Variants in TMTC1 observed in about 807,000 individuals in gnomAD.
The protein encoded by TMTC1 is protein O-mannosyl-transferase TMTC1.
A neutral mutation model predicts 104.8 loss-of-function variants in TMTC1; 73 were observed. The observed-to-expected ratio is 0.70, with a 90% confidence interval of 0.58 to 0.85. The LOEUF is 0.85. TMTC1 is among the 40% of genes least tolerant of loss of function. The pLI is 0.00. For synonymous variants in TMTC1, 434 were observed against 428.7 expected (o/e 1.01, Z -0.15); for missense variants, 1,035 against 1,096.1 (o/e 0.94, Z 0.79).
At chr12:29,778,229 T>G (rs10743675) in intron 1 of TMTC1, among the ~76,000 whole-genome samples, 138,557 of 152,154 alleles carry the variant, frequency 0.91, 63,729 homozygotes, top group East Asian at 0.99. Context: ...AGAATCAGGA[T>G]TTTAAAGTCC....
intron 17 of TMTC1, among the ~76,000 whole-genome samples, chr12:29,510,187 C>A (rs938385704): frequency 6.6e-6 from 1 of 152,204 alleles, no homozygotes; most frequent in Non-Finnish European, 1.5e-5. Context: ...CCTATGGATT[C>A]GAGACCACAA....
At chr12:29,735,141 C>A (rs956200090) in intron 5 of TMTC1, among the ~76,000 whole-genome samples, 1 of 152,210 alleles carries the variant, frequency 6.6e-6, no homozygotes, top group Non-Finnish European at 1.5e-5. Context: ...AGCATATAGA[C>A]CTGCATGAAG....
At chr12:29,728,833 CAAA>C (rs113484573) in intron 5 of TMTC1, among the ~76,000 whole-genome samples, 1 of 129,494 alleles carries the variant, frequency 7.7e-6, no homozygotes. Context: ...CGCCGTCCTA[CAAA>C]AAAAAAAAAA....
intron 5 of TMTC1, among the ~76,000 whole-genome samples, chr12:29,647,192 G>C (rs1019821454): frequency 1.3e-5 from 2 of 151,974 alleles, no homozygotes; most frequent in African/African-American, 4.8e-5. Context: ...GCTAATTTTT[G>C]TATTTTTAGT....
At chr12:29,513,785 G>GT (rs1368752025) in intron 16 of TMTC1, among the ~76,000 whole-genome samples, 1 of 152,112 alleles carries the variant, frequency 6.6e-6, no homozygotes, top group African/African-American at 2.4e-5. Flanking sequence ...GCAAAACATT[G>GT]TTTTAGAACA....
At position 29,718,821 on chromosome 12, in the gene TMTC1, T is replaced by C. The variant is rs554940698; in HGVS notation, c.938+32845A>G. ...GGTGACGGGTGCCTGTAGTCCCAGA[T>C]ACTTGGGAGGCTGAGGCAGGAGAAT... On this transcript the variant is annotated intron_variant, in intron 5 of 17. Transcript: ENST00000539277. Among the ~76,000 whole-genome samples, 215 of 150,956 alleles carry C rather than the reference T, an allele frequency of 1.4e-3. 2 individuals carry two copies. Among genetic ancestry groups the C allele is most frequent in the African/African-American group, 4.7e-3 (194 of 41,080 alleles).
chr12:29,632,497 C>G (rs915188262), intron 6 of TMTC1, among the ~76,000 whole-genome samples: 1 of 152,160 alleles, frequency 6.6e-6, no homozygotes, highest in Non-Finnish European at 1.5e-5. Context: ...TTCCCCTTCA[C>G]TGGGCACTCA....
chr12:29,538,021 C>T (rs528254100), intron 10 of TMTC1, among the ~76,000 whole-genome samples: 194 of 152,294 alleles, frequency 1.3e-3, no homozygotes, highest in Middle Eastern at 6.8e-3. Context: ...TCTGCACTAT[C>T]CTCTTCTTAT....
chr12:29,623,836 T>TAA (rs1307897905), intron 6 of TMTC1, among the ~76,000 whole-genome samples: 10 of 145,732 alleles, frequency 6.9e-5, no homozygotes, highest in African/African-American at 2.7e-4. Flanking sequence ...TAAATTAAAT[T>TAA]AAATTAAATT....
intron 1 of TMTC1, among the ~76,000 whole-genome samples, chr12:29,781,100 T>C (rs969540693): frequency 6.6e-6 from 1 of 152,258 alleles, no homozygotes; most frequent in Non-Finnish European, 1.5e-5. Flanking sequence ...CTAAAATCAC[T>C]GATATCCTCC....
intron 11 of TMTC1, chr12:29,535,635 A>C (rs1944621437): frequency 6.6e-6 from 1 of 152,378 alleles, no homozygotes; most frequent in Non-Finnish European, 1.5e-5. Context: ...CAATTTAGAG[A>C]GAAGACAACT....
intron 7 of TMTC1, among the ~76,000 whole-genome samples, chr12:29,599,171 C>T (rs1946487696): frequency 1.3e-5 from 2 of 152,120 alleles, no homozygotes; most frequent in Non-Finnish European, 2.9e-5. Flanking sequence ...AATTTTAGTT[C>T]ATTGTAGCAA....
intron 11 of TMTC1, among the ~76,000 whole-genome samples, chr12:29,528,029 A>G (rs1944397824): frequency 1.3e-5 from 2 of 152,114 alleles, no homozygotes; most frequent in South Asian, 4.2e-4. Context: ...ATTTCATGGA[A>G]TGATCAACTC....
chr12:29,592,635 C>T (rs1592284993), intron 7 of TMTC1, among the ~76,000 whole-genome samples: 1 of 152,264 alleles, frequency 6.6e-6, no homozygotes, highest in East Asian at 1.9e-4. Flanking sequence ...TTAAATAAGG[C>T]AGGGCTCTGG....
intron 5 of TMTC1, among the ~76,000 whole-genome samples, chr12:29,710,986 T>TC (rs1941909979): frequency 6.8e-5 from 3 of 44,314 alleles, no homozygotes; most frequent in East Asian, 1.5e-3. Context: ...AATATATATA[T>TC]ATTTTTTCCC....
chr12:29,598,790 C>T (rs1460034069), intron 7 of TMTC1, among the ~76,000 whole-genome samples: 6 of 152,086 alleles, frequency 3.9e-5, no homozygotes, highest in South Asian at 4.1e-4. Context: ...TATCCTGCAA[C>T]GCTAATGAAT....
chr12:29,644,462 G>A (rs1398107054), intron 5 of TMTC1, among the ~76,000 whole-genome samples: 1 of 151,648 alleles, frequency 6.6e-6, no homozygotes, highest in African/African-American at 2.4e-5. Flanking sequence ...TCACCACTAA[G>A]GAACTTGCTC....
intron 5 of TMTC1, among the ~76,000 whole-genome samples, chr12:29,714,543 A>G (rs2136855736): frequency 6.6e-6 from 1 of 152,336 alleles, no homozygotes; most frequent in South Asian, 2.1e-4. Flanking sequence ...TTTACCTACC[A>G]TTGCTTGTGC....
intron 11 of TMTC1, chr12:29,532,856 C>T (rs1944543145): frequency 1.3e-5 from 2 of 152,100 alleles, no homozygotes; most frequent in Non-Finnish European, 2.9e-5. Context: ...CTATCAGTGG[C>T]CATAAATCTT....
Sources: allele counts gnomAD v4.1 joint callset (sites outside exome capture counted in the v4.1 genomes callset), GRCh38; gene constraint gnomAD v4.1.1; transcripts MANE v1.5; gene names NCBI Gene and HGNC (gene_info 2026-07-23, HGNC 2026-07-21).